The following LTB variants were observed in gnomAD, a reference collection of about 807,000 sequenced individuals.
LTB encodes lymphotoxin beta, also known as lymphotoxin-beta.
In LTB, 17 loss-of-function variants were observed where a neutral mutation model predicts 14.7. That is an observed-to-expected ratio of 1.16 (90% CI 0.79 to 1.73). The LOEUF (loss-of-function observed/expected upper bound fraction) is 1.73. Among genes scored for constraint, LTB ranks in the 40% most tolerant of loss-of-function variants. The pLI, the probability that LTB is intolerant of heterozygous loss-of-function variation, is 0.00. For synonymous variants in LTB, 163 were observed against 157.3 expected, an observed-to-expected ratio of 1.04 and a Z score of -0.27; for missense variants, 288 against 324.3, an observed-to-expected ratio of 0.89 and a Z score of 0.86.
In LTB at chr6:31,581,081, G is replaced by A. The variant is rs1226986435; in HGVS notation, c.363C>T (p.Asp121=). ...CCTGCGGGAGCGCCAGCCCCTCGGCGTCCGAGAACTGCGTCCCGCTCGTCA... is the reference window on the plus strand; with the variant it reads ...CCTGCGGGAGCGCCAGCCCCTCGGCATCCGAGAACTGCGTCCCGCTCGTCA... ...AFLTSGTQFS[D]AEGLALPQDG... Residue 121 remains aspartate, a synonymous_variant, in exon 4 of 4, where the codon GAC becomes GAT. Coordinates refer to ENST00000429299, the MANE Select transcript of LTB (RefSeq NM_002341.2). 6.2e-7 allele frequency: 1 copy of A among 1,610,524 alleles called. No individual in the cohort carries two copies. The highest frequency in any genetic ancestry group is 8.5e-7 in the Non-Finnish European group (1 of 1,178,864).
Position 31,580,757 on chromosome 6 carries a change from C to T in LTB, c.687G>A (p.Val229=). 1 of 1,613,036 alleles carries T rather than the reference C, an allele frequency of 6.2e-7. No individual in the cohort carries two copies. The highest frequency in any genetic ancestry group is 8.5e-7 in the Non-Finnish European group (1 of 1,180,004). Residue 229 remains valine, a synonymous_variant, in exon 4 of 4, where the codon GTG becomes GTA. Transcript: ENST00000429299. The surrounding 1 kb of genome is among the most constrained non-coding windows in gnomAD (Gnocchi z 6.6). ...AGAAGGTCTTCCCTCTCGCGAAGTC[C>T]ACCATATCGGGGTGACTGATGTTGA... ...VYVNISHPDM[V]DFARGKTFFG...
Position 31,582,384 on chromosome 6 carries a change from T to C in LTB, c.34A>G (p.Arg12Gly). The change falls in exon 1 of 4, where the codon AGG (arginine) becomes GGG (glycine). Residue 12 changes from arginine (R) to glycine (G), a missense_variant. This residue lies in a region of LTB where 284 missense variants were observed against 299.2 expected (regional missense o/e 0.95). Transcript: ENST00000429299. ...GALGLEGRGG[R>G]LQGRGSLLLA... ...AGGAGGGAACCCCTCCCCTGGAGCC[T>C]CCCACCCCTGCCCTCCAGCCCCAGT... The C allele has an allele frequency of 6.2e-7, 1 of 1,612,474 alleles. No individual in the cohort carries two copies. Among genetic ancestry groups the C allele is most frequent in the African/African-American group, 1.3e-5 (1 of 75,000 alleles).
Position 31,580,772 on chromosome 6 carries a change from A to G in LTB, c.672T>C (p.Ser224=). Residue 224 remains serine (S), a synonymous_variant, in exon 4 of 4, where the codon AGT becomes AGC. Transcript: ENST00000429299. This position sits in a 1 kb window ranked among gnomAD's most constrained non-coding sequence, Gnocchi z 6.6. Reference sequence around the variant, plus strand: ...TCGCGAAGTCCACCATATCGGGGTGACTGATGTTGACGTACACCCTCTCGC... The same window carrying G: ...TCGCGAAGTCCACCATATCGGGGTGGCTGATGTTGACGTACACCCTCTCGC... ...RRGERVYVNI[S]HPDMVDFARG... 2 of 1,612,940 alleles carry G rather than the reference A, an allele frequency of 1.2e-6. No homozygotes were observed. Among genetic ancestry groups the G allele is most frequent in the Non-Finnish European group, 1.7e-6 (2 of 1,180,008 alleles).
chr6:31,581,693 G>C, intron 2 of LTB, 63 bp from the exon 3 acceptor site: 1 of 1,598,006 alleles, frequency 6.3e-7, no homozygotes, highest in Non-Finnish European at 8.6e-7. Flanking sequence ...CTACCCTTGA[G>C]AGAACAGGGC....
intron 1 of LTB, 139 bp downstream of exon 1, chr6:31,582,117 C>T (rs1771586150): frequency 9.8e-7 from 1 of 1,017,270 alleles, no homozygotes; most frequent in African/African-American, 1.6e-5. Flanking sequence ...GAAAGAGAGT[C>T]AGCAAAGAGA....
chr6:31,582,040 C>G (rs1259127216), intron 1 of LTB, 181 bp from the exon 2 acceptor site: 2 of 770,566 alleles, frequency 2.6e-6, no homozygotes, highest in Admixed American at 2.8e-5. Flanking sequence ...ACAGATGTAC[C>G]TCGGGAAGAG....
chr6:31,582,015 T>G (rs532177689), intron 1 of LTB, 156 bp from the exon 2 acceptor site: 3 of 836,996 alleles, frequency 3.6e-6, no homozygotes, highest in Admixed American at 2.7e-5. Context: ...AAGGCATAGG[T>G]ACTTGGGCGG....
Position 31,580,979 on chromosome 6 carries a change from G to C in LTB, c.465C>G (p.Arg155=). ...ACAGAGAGCTGCGCAGCGTGACCGA[G>C]CGGCCCTGGGGGTCCCCGCCGCCAG... ...APPGGGDPQG[R]SVTLRSSLYR... Residue 155 remains arginine (R), a synonymous_variant, in exon 4 of 4, where the codon CGC becomes CGG. Coordinates refer to ENST00000429299, the MANE Select transcript of LTB (RefSeq NM_002341.2). The surrounding 1 kb of genome is among the most constrained non-coding windows in gnomAD (Gnocchi z 6.6). 6.4e-7 allele frequency: 1 copy of C among 1,563,936 alleles called. No homozygotes were observed. The highest frequency in any genetic ancestry group is 8.7e-7 in the Non-Finnish European group (1 of 1,154,764).
In LTB at chr6:31,580,635, T is replaced by G; in HGVS notation, c.*74A>C. 2 of 1,339,980 alleles carry G rather than the reference T, an allele frequency of 1.5e-6. No homozygotes were observed. Among genetic ancestry groups the G allele is most frequent in the Non-Finnish European group, 2.1e-6 (2 of 969,236 alleles). The allele number at this position is 1,339,980 out of a possible 1,614,324, so 83.0% of individuals were successfully genotyped here. On this transcript the variant is annotated 3_prime_UTR_variant, in exon 4 of 4. Transcript: ENST00000429299. This position sits in a 1 kb window ranked among gnomAD's most constrained non-coding sequence, Gnocchi z 6.6. ...CAATTTCCAAACAGTCTCCTACATT[T>G]TTCCCACTGCCATGGGGTCCTGGGC...
intron 3 of LTB, 97 bp from the exon 4 acceptor site, chr6:31,581,260 C>G: frequency 8.4e-7 from 1 of 1,184,986 alleles, no homozygotes. Context: ...GGGAGCCGAG[C>G]CGGGCCGGGG....
At chr6:31,581,247 T>C in intron 3 of LTB, 84 bp from the exon 4 acceptor site, 3 of 1,329,354 alleles carry the variant, frequency 2.3e-6, no homozygotes, top group Non-Finnish European at 3.1e-6. Context: ...TTTTAGCCCC[T>C]GCGGGAGCCG....
At chr6:31,581,980 C>A in intron 1 of LTB, 121 bp from the exon 2 acceptor site, 1 of 1,017,324 alleles carries the variant, frequency 9.8e-7, no homozygotes, top group Non-Finnish European at 1.5e-6. Context: ...CCCCAACACA[C>A]ACCTCCTTAG....
intron 1 of LTB, 31 bp downstream of exon 1, chr6:31,582,225 C>G (rs577005429): frequency 3.7e-6 from 6 of 1,610,248 alleles, no homozygotes; most frequent in South Asian, 2.2e-5. Context: ...CAAGATACAA[C>G]TCTCCACCAG....
rs921231896 is a variant in LTB at position 31,582,389 on chromosome 6, C to G, written c.29G>C (p.Gly10Ala). 1.9e-6 allele frequency: 3 copies of G among 1,612,558 alleles called. No individual in the cohort carries two copies. The African/African-American group carries it at 4.0e-5, about 22-fold the overall frequency. Reference protein sequence around the residue: MGALGLEGRGGRLQGRGSLL... With the variant: MGALGLEGRAGRLQGRGSLL... ...GGAACCCCTCCCCTGGAGCCTCCCA[C>G]CCCTGCCCTCCAGCCCCAGTGCCCC... Residue 10 changes from glycine (G) to alanine (A), a missense_variant, in exon 1 of 4, where the codon GGT (glycine) becomes GCT (alanine). Gly to Ala is a moderately conservative substitution (Grantham distance 60, BLOSUM62 0). Transcript: ENST00000429299.
chr6:31,581,728 T>G (rs551098549), intron 2 of LTB, 86 bp downstream of exon 2: 1 of 1,601,826 alleles, frequency 6.2e-7, no homozygotes, highest in East Asian at 2.2e-5. Flanking sequence ...CCTGGATTCC[T>G]AGAGGAAGAG....
Position 31,581,704 on chromosome 6 carries a change from G to A in LTB, c.209-74C>T, listed in dbSNP as rs958719614. 13 of 1,591,796 alleles carry A rather than the reference G, an allele frequency of 8.2e-6. No homozygotes were observed. In the African/African-American group the frequency reaches 1.7e-4, roughly 21 times the overall value. On this transcript the variant is annotated intron_variant, in intron 2 of 3. Transcript: ENST00000429299. Reference sequence around the variant, plus strand: ...CAGGCTACCCTTGAGAGAACAGGGCGCAGGGATGGGGAGCCTGGATTCCTA... The same window carrying A: ...CAGGCTACCCTTGAGAGAACAGGGCACAGGGATGGGGAGCCTGGATTCCTA...
chr6:31,581,967 C>T (rs914360740), intron 1 of LTB, 108 bp from the exon 2 acceptor site: 22 of 1,108,550 alleles, frequency 2.0e-5, no homozygotes, highest in Non-Finnish European at 2.5e-5. Context: ...CTACCAGCAC[C>T]ATCCCCAACA....
chr6:31,581,511 G>C (rs762268761), intron 3 of LTB, 48 bp downstream of exon 3: 69 of 1,555,524 alleles, frequency 4.4e-5, no homozygotes, highest in Non-Finnish European at 6.1e-5. Flanking sequence ...AGCAGAACTG[G>C]AACCTTCGGA....
intron 2 of LTB, 36 bp from the exon 3 acceptor site, chr6:31,581,666 G>T (rs763229141): frequency 6.2e-7 from 1 of 1,606,740 alleles, no homozygotes; most frequent in Non-Finnish European, 8.5e-7. Flanking sequence ...TGGGGGCAGG[G>T]CAGCCACCCA....
Sources: gnomAD v4.1 joint callset for allele counts on GRCh38, gnomAD v4.1.1 for gene constraint, gnomAD v4.1.1 regional missense constraint, Gnocchi (gnomAD v3.1) non-coding constraint, MANE v1.5 for transcripts, NCBI Gene and HGNC (gene_info 2026-07-23, HGNC 2026-07-21) for gene names.